Variants in ZFP92 observed in about 807,000 individuals in gnomAD.
ZFP92 encodes the protein ZFP92 zinc finger protein.
In ZFP92, 2 loss-of-function variants were observed where a neutral mutation model predicts 7.6. That is an observed-to-expected ratio of 0.26 (90% CI 0.11 to 0.83). The LOEUF is 0.83. ZFP92 is among the 40% of genes least tolerant of loss of function. ZFP92 has a pLI of 0.65. For missense variants in ZFP92, 324 were observed against 408.3 expected (o/e 0.79, Z 1.78); for synonymous variants, 226 against 183.6 (o/e 1.23, Z -1.87).
intron 5 of ZFP92, 93 bp downstream of exon 5, chrX:153,420,425 G>T: frequency 1.1e-6 from 1 of 937,957 alleles, no homozygotes; most frequent in South Asian, 2.5e-5. Context: ...CGCTTTGGGT[G>T]GGAAATCCTC....
chrX:153,424,486 G>A lies in ZFP92; in HGVS notation c.*2858G>A, dbSNP rs2089029559. 8.9e-6 allele frequency: 1 copy of A among 111,866 alleles called. No individual in the cohort carries two copies. Among genetic ancestry groups the A allele is most frequent in the Non-Finnish European group, 1.9e-5 (1 of 53,136 alleles). 9.2% of individuals were successfully genotyped at this position (111,866 alleles called of 1,213,427 possible). On this transcript the variant is annotated 3_prime_UTR_variant, in exon 6 of 6. Transcript: ENST00000338647. ...TTCCTTCAATGGTGCCTTGAAATTGGGCTCCCTCCCTCTTGCTGTGTGGGG... is the reference window on the plus strand; with the variant it reads ...TTCCTTCAATGGTGCCTTGAAATTGAGCTCCCTCCCTCTTGCTGTGTGGGG...
In ZFP92 at chrX:153,422,372, C is replaced by G. The variant is rs781874023; in HGVS notation, c.*744C>G. Reference sequence around the variant, plus strand: ...GAGCAGCGCCCAGGCCCCATCATCCCTGAGCACCAGTGGTTCTGGGAATGG... The same window carrying G: ...GAGCAGCGCCCAGGCCCCATCATCCGTGAGCACCAGTGGTTCTGGGAATGG... On this transcript the variant is annotated 3_prime_UTR_variant, in exon 6 of 6. Coordinates refer to ENST00000338647, the MANE Select transcript of ZFP92 (RefSeq NM_001136273.2). 8.9e-6 allele frequency: 1 copy of G among 112,024 alleles called. No individual in the cohort carries two copies. Among genetic ancestry groups the G allele is most frequent in the African/African-American group, 3.2e-5 (1 of 30,810 alleles). The allele number at this position is 112,024 out of a possible 1,213,427, so 9.2% of individuals were successfully genotyped here. A position where few individuals can be genotyped will look rare whatever the true frequency, so the allele number is the denominator to read the frequency against.
intron 2 of ZFP92, among the ~76,000 whole-genome samples, chrX:153,413,062 G>A (rs782541849): frequency 3.6e-5 from 4 of 110,916 alleles, no homozygotes; most frequent in Non-Finnish European, 5.7e-5. Context: ...TCTGCCAGGT[G>A]GGCAGCAGGT....
chrX:153,415,838 C>G (rs1302848510), intron 2 of ZFP92, among the ~76,000 whole-genome samples: 1 of 111,305 alleles, frequency 9.0e-6, no homozygotes, highest in East Asian at 2.8e-4. Flanking sequence ...CTTCCATGAC[C>G]CAGTGCCACT....
intron 2 of ZFP92, among the ~76,000 whole-genome samples, chrX:153,412,827 G>T (rs1451852485): frequency 8.9e-6 from 1 of 111,875 alleles, no homozygotes; most frequent in Non-Finnish European, 1.9e-5. Flanking sequence ...AGCAGAGAAG[G>T]ACAGGACCCG....
chrX:153,420,784 A>G lies in ZFP92; in HGVS notation c.407A>G (p.Gln136Arg). 8.6e-7 allele frequency: 1 copy of G among 1,168,483 alleles called. No homozygotes were observed. ...VLQRGAQGLGQSSAAGPQGPK... is the reference protein window; with the variant it reads ...VLQRGAQGLGRSSAAGPQGPK... ...CAGAGAGGTGCCCAGGGCTTGGGGCAGAGTTCGGCTGCGGGGCCGCAGGGC... is the reference window on the plus strand; with the variant it reads ...CAGAGAGGTGCCCAGGGCTTGGGGCGGAGTTCGGCTGCGGGGCCGCAGGGC... The change falls in exon 6 of 6, where the codon CAG (glutamine) becomes CGG (arginine). Residue 136 changes from glutamine to arginine, a missense_variant. By Grantham distance (43) the Gln-to-Arg change is conservative (BLOSUM62 1). Coordinates refer to ENST00000338647, the MANE Select transcript of ZFP92 (RefSeq NM_001136273.2).
Position 153,421,442 on chromosome X carries a change from G to C in ZFP92, c.1065G>C (p.Lys355Asn). Residue 355 changes from lysine to asparagine, a missense_variant, in exon 6 of 6, where the codon AAG becomes AAC. By Grantham distance (94) the Lys-to-Asn change is moderately conservative. Transcript: ENST00000338647. Reference protein sequence around the residue: ...EKPYECSDCGKAFGRRANLFK... With the variant: ...EKPYECSDCGNAFGRRANLFK... ...CCTACGAGTGCAGCGACTGCGGCAA[G>C]GCCTTCGGCCGGCGCGCCAACCTAT... is the stretch of plus-strand genomic sequence containing the variant. 8.7e-7 allele frequency: 1 copy of C among 1,150,944 alleles called. No homozygotes were observed. Among genetic ancestry groups the C allele is most frequent in the East Asian group, 3.3e-5 (1 of 30,500 alleles). 94.9% of individuals were successfully genotyped at this position (1,150,944 alleles called of 1,213,427 possible).
chrX:153,412,684 G>T (rs1459215456), intron 2 of ZFP92, among the ~76,000 whole-genome samples: 3 of 111,932 alleles, frequency 2.7e-5, no homozygotes, highest in Admixed American at 1.9e-4. Flanking sequence ...TGAGGCAGGG[G>T]TGGCCTGGCT....
chrX:153,425,998 T>G lies in ZFP92; in HGVS notation c.*4370T>G, dbSNP rs782793189. The G allele has an allele frequency of 3.6e-5, 4 of 111,876 alleles. No individual in the cohort carries two copies. The East Asian group carries it at 8.4e-4, about 23-fold the overall frequency. The allele number at this position is 111,876 out of a possible 1,213,427, so 9.2% of individuals were successfully genotyped here. The stretch of plus-strand genomic sequence containing the variant: ...CCTGAAGGTCAATGATTGTTTAATC[T>G]TTCTTTGACAGCATTATGAAGGTAT... On this transcript the variant is annotated 3_prime_UTR_variant, in exon 6 of 6. Transcript: ENST00000338647.
Position 153,421,544 on chromosome X carries a change from C to T in ZFP92, c.1167C>T (p.Ser389=). Residue 389 remains serine, a synonymous_variant, in exon 6 of 6, where the codon AGC becomes AGT. Transcript: ENST00000338647. ...CGCGGAGGCTAGCGGGCCCTGGGAG[C>T]ACCGGCCCTGGGAGCGCGGTGGCGG... ...ETARRLAGPG[S]TGPGSAVAAT... 9.0e-7 allele frequency: 1 copy of T among 1,106,163 alleles called. No homozygotes were observed. Among genetic ancestry groups the T allele is most frequent in the South Asian group, 2.1e-5 (1 of 47,415 alleles). 91.2% of individuals were successfully genotyped at this position (1,106,163 alleles called of 1,213,427 possible).
chrX:153,417,341 G>A (rs2088960561), intron 2 of ZFP92, among the ~76,000 whole-genome samples: 1 of 112,258 alleles, frequency 8.9e-6, no homozygotes, highest in African/African-American at 3.2e-5. Flanking sequence ...TATGTGCTGT[G>A]CTGTTGGCTG....
At chrX:153,417,876 T>G (rs1414772342) in intron 2 of ZFP92, among the ~76,000 whole-genome samples, 5 of 111,451 alleles carry the variant, frequency 4.5e-5, no homozygotes, top group African/African-American at 6.5e-5. Flanking sequence ...CCTAATCCAG[T>G]GATTGGCATT....
chrX:153,416,898 A>G (rs1278127844), intron 2 of ZFP92, among the ~76,000 whole-genome samples: 1 of 111,527 alleles, frequency 9.0e-6, no homozygotes, highest in African/African-American at 3.3e-5. Context: ...ATGTGCAGAG[A>G]TCACGTGGCC....
chrX:153,423,479 A>T lies in ZFP92; in HGVS notation c.*1851A>T. The T allele has an allele frequency of 9.0e-6, 1 of 111,562 alleles. No homozygotes were observed. The highest frequency in any genetic ancestry group is 1.9e-5 in the Non-Finnish European group (1 of 53,087). 9.2% of individuals were successfully genotyped at this position (111,562 alleles called of 1,213,427 possible). On this transcript the variant is annotated 3_prime_UTR_variant, in exon 6 of 6. Coordinates refer to ENST00000338647, the MANE Select transcript of ZFP92 (RefSeq NM_001136273.2). ...AACTTCTAGAGTTCTTGTAAGTTGCACTTATACCGTAGCCTCCTTCAGTGT... is the reference window on the plus strand; with the variant it reads ...AACTTCTAGAGTTCTTGTAAGTTGCTCTTATACCGTAGCCTCCTTCAGTGT...
rs782340730 is a variant in ZFP92, at chrX:153,426,372, C to T, written c.*4744C>T. ...ATTTTTTTTTATTGTTGGTAGGATC[C>T]CATTGTATGGGTGGACCACAATACC... On this transcript the variant is annotated 3_prime_UTR_variant, in exon 6 of 6. Coordinates refer to ENST00000338647, the MANE Select transcript of ZFP92 (RefSeq NM_001136273.2). 20 of 111,062 alleles carry T rather than the reference C, an allele frequency of 1.8e-4. No individual in the cohort carries two copies. Among genetic ancestry groups the T allele is most frequent in the African/African-American group, 6.6e-4 (20 of 30,495 alleles). The allele number at this position is 111,062 out of a possible 1,213,427, so 9.2% of individuals were successfully genotyped here.
Position 153,421,633 on chromosome X carries a change from C to T in ZFP92, c.*5C>T. 1.0e-6 allele frequency: 1 copy of T among 967,179 alleles called. No homozygotes were observed. Among genetic ancestry groups the T allele is most frequent in the Non-Finnish European group, 1.3e-6 (1 of 774,940 alleles). The allele number at this position is 967,179 out of a possible 1,213,427, so 79.7% of individuals were successfully genotyped here. ...TCCAGGCCCAGCCGCCGCTGACTCCCCGCCAGCGCACCCAGGGCGCGGCCG... is the reference window on the plus strand; with the variant it reads ...TCCAGGCCCAGCCGCCGCTGACTCCTCGCCAGCGCACCCAGGGCGCGGCCG... On this transcript the variant is annotated 3_prime_UTR_variant, in exon 6 of 6. Transcript: ENST00000338647.
intron 2 of ZFP92, among the ~76,000 whole-genome samples, chrX:153,417,357 T>G: frequency 8.9e-6 from 1 of 112,223 alleles, no homozygotes; most frequent in East Asian, 2.8e-4. Flanking sequence ...GGCTGGCTAC[T>G]CTCTTTGCCA....
At chrX:153,419,985 A>G (rs1364459633) in intron 4 of ZFP92, among the ~76,000 whole-genome samples, 1 of 112,018 alleles carries the variant, frequency 8.9e-6, no homozygotes, top group Non-Finnish European at 1.9e-5. Context: ...CAGGTGACAA[A>G]CACAGTTGTC....
intron 4 of ZFP92, 96 bp downstream of exon 4, chrX:153,418,895 G>A: frequency 9.4e-7 from 1 of 1,063,510 alleles, no homozygotes. Flanking sequence ...CGGTTGCTAT[G>A]AGCCCAAGAA....
Sources: allele counts gnomAD v4.1 joint callset (sites outside exome capture counted in the v4.1 genomes callset), GRCh38; gene constraint gnomAD v4.1.1; transcripts MANE v1.5; gene names NCBI Gene and HGNC (gene_info 2026-07-23, HGNC 2026-07-21).